FBXO4: variants seen among roughly 807,000 people sequenced by gnomAD.
The protein encoded by FBXO4 is F-box only protein 4.
In FBXO4, 36 loss-of-function variants were observed where a neutral mutation model predicts 43.7. The ratio of observed to expected loss-of-function variants is 0.82; its 90% confidence interval spans 0.63 to 1.09. The LOEUF (loss-of-function observed/expected upper bound fraction) is 1.09. Among genes scored for constraint, FBXO4 ranks in the 50% least tolerant of loss-of-function variants. The pLI is 0.00. For synonymous variants in FBXO4, 180 were observed against 165.6 expected, an observed-to-expected ratio of 1.09 and a Z score of -0.67; for missense variants, 435 against 474.1, an observed-to-expected ratio of 0.92 and a Z score of 0.77.
At chr5:41,944,932 A>C (rs557430714), downstream of FBXO4, among the ~76,000 whole-genome samples, 2 of 152,362 alleles carry the variant, frequency 1.3e-5, no homozygotes, top group South Asian at 4.1e-4. Flanking sequence ...TTCTATCTGA[A>C]ACATTTAAAA....
downstream of FBXO4, among the ~76,000 whole-genome samples, chr5:41,944,292 T>G (rs1452211034): frequency 6.6e-6 from 1 of 152,240 alleles, no homozygotes; most frequent in Non-Finnish European, 1.5e-5. Context: ...GTTTTACTTA[T>G]ACCTAGAGAA....
rs567943324 is a variant in FBXO4, at chr5:41,930,537, A to G, written c.646+620A>G. ...TATTTAGTTCCTGGGTAGAAAGGTAACGGTCAAAGAAGGCTCCATATTGAT... is the reference window on the plus strand; with the variant it reads ...TATTTAGTTCCTGGGTAGAAAGGTAGCGGTCAAAGAAGGCTCCATATTGAT... On this transcript the variant is annotated intron_variant, in intron 3 of 6. Transcript: ENST00000281623. 1.5e-3 allele frequency among the ~76,000 whole-genome samples: 233 copies of G among 152,332 alleles called. 2 individuals carry two copies. Among genetic ancestry groups the G allele is most frequent in the Middle Eastern group, 0.014 (4 of 294 alleles).
At chr5:41,966,422 A>T in the FBXO4 span, among the ~76,000 whole-genome samples, 3 of 152,218 alleles carry the variant, frequency 2.0e-5, no homozygotes, top group Non-Finnish European at 4.4e-5. Context: ...CAAGTATGAC[A>T]ATACACATGA....
the FBXO4 span, among the ~76,000 whole-genome samples, chr5:42,021,338 T>C: frequency 6.6e-6 from 1 of 152,092 alleles, no homozygotes; most frequent in East Asian, 1.9e-4. Flanking sequence ...TGGTGATTAA[T>C]TGACTAGAGA....
chr5:41,951,400 TC>T, the FBXO4 span: 2 of 239,318 alleles, frequency 8.4e-6, no homozygotes, highest in African/African-American at 4.7e-5. Flanking sequence ...GCTCCAGTGT[TC>T]AGTAGGTAAC....
chr5:41,941,184 A>C lies in FBXO4; in HGVS notation c.1075-8A>C. 1.2e-6 allele frequency: 2 copies of C among 1,612,166 alleles called. No individual in the cohort carries two copies. The highest frequency in any genetic ancestry group is 1.1e-5 in the South Asian group (1 of 91,006). On this transcript the variant is annotated splice_region_variant and splice_polypyrimidine_tract_variant and intron_variant, in intron 6 of 6. Coordinates refer to ENST00000281623, the MANE Select transcript of FBXO4 (RefSeq NM_012176.3). ...TTACTAACAACATTCTCTCTTATGTATTCCGAGGTCCAGGATACAGAGGCT... is the reference window on the plus strand; with the variant it reads ...TTACTAACAACATTCTCTCTTATGTCTTCCGAGGTCCAGGATACAGAGGCT...
rs1295019585 is a variant in FBXO4, at chr5:41,933,940, T to C, written c.647-6T>C. Reference sequence around the variant, plus strand: ...TTGTTTTGGTAACTGTGATTTTCTTTCTTAGGTATTGGATCAGGAGTCAAT... The same window carrying C: ...TTGTTTTGGTAACTGTGATTTTCTTCCTTAGGTATTGGATCAGGAGTCAAT... On this transcript the variant is annotated splice_region_variant and splice_polypyrimidine_tract_variant and intron_variant, in intron 3 of 6. Transcript: ENST00000281623. The C allele has an allele frequency of 1.2e-6, 2 of 1,605,602 alleles. No homozygotes were observed. The highest frequency in any genetic ancestry group is 2.2e-5 in the East Asian group (1 of 44,796).
chr5:41,934,695 G>T, intron 5 of FBXO4: 1 of 1,061,022 alleles, frequency 9.4e-7, no homozygotes, highest in Non-Finnish European at 1.1e-6. Flanking sequence ...GTCTGCTTCT[G>T]GCTTTATTCA....
chr5:41,995,108 A>G, the FBXO4 span, among the ~76,000 whole-genome samples: 8 of 152,262 alleles, frequency 5.3e-5, no homozygotes, highest in Middle Eastern at 3.4e-3. Flanking sequence ...CTTCAGGATG[A>G]TGGGGAACAT....
rs183868187 is a variant in FBXO4, at chr5:41,940,356, G to T, written c.1074+740G>T. ...GGCTCACTCCAACCTCTGCCTCCTG[G>T]GTTCAAGTGATTCTCATGCCTCAGC... On this transcript the variant is annotated intron_variant, in intron 6 of 6. Coordinates refer to ENST00000281623, the MANE Select transcript of FBXO4 (RefSeq NM_012176.3). Among the ~76,000 whole-genome samples, 633 of 152,178 alleles carry T rather than the reference G, an allele frequency of 4.2e-3. 3 individuals are homozygous for T. The highest frequency in any genetic ancestry group is 6.1e-3 in the Non-Finnish European group (418 of 68,014).
At chr5:41,977,060 G>A in the FBXO4 span, among the ~76,000 whole-genome samples, 2 of 152,188 alleles carry the variant, frequency 1.3e-5, no homozygotes, top group African/African-American at 4.8e-5. Flanking sequence ...CTGCTGGGAT[G>A]TGGGGAGCAG....
downstream of FBXO4, among the ~76,000 whole-genome samples, chr5:41,943,680 A>G (rs1277105901): frequency 1.3e-5 from 2 of 152,170 alleles, no homozygotes; most frequent in Non-Finnish European, 2.9e-5. Context: ...TATCGCCACT[A>G]TTGAAAATTA....
At chr5:42,005,939 C>T in the FBXO4 span, among the ~76,000 whole-genome samples, 1 of 152,054 alleles carries the variant, frequency 6.6e-6, no homozygotes, top group Non-Finnish European at 1.5e-5. Context: ...ATCCTAAGGC[C>T]CCCTGTGACC....
chr5:41,968,075 C>T, the FBXO4 span: 355 of 358,670 alleles, frequency 9.9e-4, 1 homozygote, highest in African/African-American at 7.1e-3. Flanking sequence ...ACAACAGCTT[C>T]ATTTAGTTGG....
At chr5:41,929,663 G>C (rs768223905) in intron 2 of FBXO4, 34 bp from the exon 3 acceptor site, 1 of 1,486,506 alleles carries the variant, frequency 6.7e-7, no homozygotes. Flanking sequence ...GCTGTTTTCT[G>C]TGTTAATGTT....
At chr5:41,945,759 C>T (rs979836924), downstream of FBXO4, among the ~76,000 whole-genome samples, 1 of 152,162 alleles carries the variant, frequency 6.6e-6, no homozygotes, top group African/African-American at 2.4e-5. Context: ...TTCTAGGCCT[C>T]TTTAGGGTTA....
chr5:41,928,971 C>G (rs1751596172), intron 2 of FBXO4, among the ~76,000 whole-genome samples: 1 of 152,130 alleles, frequency 6.6e-6, no homozygotes, highest in Admixed American at 6.5e-5. Context: ...TCTTAGTTTG[C>G]TAGGTTTGCT....
chr5:41,959,348 T>A, the FBXO4 span, among the ~76,000 whole-genome samples: 4 of 152,192 alleles, frequency 2.6e-5, no homozygotes, highest in African/African-American at 9.6e-5. Flanking sequence ...ATGTTGTCTC[T>A]TTACTCTGTT....
the FBXO4 span, among the ~76,000 whole-genome samples, chr5:42,037,896 C>T: frequency 1.3e-5 from 2 of 152,224 alleles, no homozygotes; most frequent in Non-Finnish European, 2.9e-5. Context: ...CTCTCATTTT[C>T]TTGCTCAGTA....
Sources: allele counts gnomAD v4.1 joint callset (sites outside exome capture counted in the v4.1 genomes callset), GRCh38; gene constraint gnomAD v4.1.1; transcripts MANE v1.5; gene names NCBI Gene and HGNC (gene_info 2026-07-23, HGNC 2026-07-21).